HRH1: variants seen among roughly 807,000 people sequenced by gnomAD.
The protein encoded by HRH1 is histamine H1 receptor.
In HRH1, 6 loss-of-function variants were observed where a neutral mutation model predicts 10.3. That is an observed-to-expected ratio of 0.58 (90% CI 0.32 to 1.15). HRH1 has a LOEUF of 1.15. HRH1 is among the 50% of genes most tolerant of loss of function. The pLI is 0.05. For synonymous variants in HRH1, 242 were observed against 236.7 expected (o/e 1.02, Z -0.21); for missense variants, 514 against 615.3 (o/e 0.84, Z 1.74).
chr3:11,179,597 G>C (rs1394626873), intron 1 of HRH1, among the ~76,000 whole-genome samples: 1 of 150,330 alleles, frequency 6.7e-6, no homozygotes, highest in Non-Finnish European at 1.5e-5. Context: ...TCCAGCCTGG[G>C]TGACAGAGCA....
chr3:11,247,323 G>A (rs1237714088), intron 1 of HRH1, among the ~76,000 whole-genome samples: 5 of 152,198 alleles, frequency 3.3e-5, no homozygotes, highest in African/African-American at 7.2e-5. Flanking sequence ...CCTCAGCAAG[G>A]CAAATTTCCT....
intron 1 of HRH1, among the ~76,000 whole-genome samples, chr3:11,219,485 G>A (rs1320980704): frequency 5.9e-5 from 9 of 151,908 alleles, no homozygotes; most frequent in African/African-American, 7.3e-5. Context: ...AGGCCGAGGC[G>A]GGCGGAGCAC....
chr3:11,224,229 C>T lies in HRH1; in HGVS notation c.-35-34774C>T, dbSNP rs377062856. On this transcript the variant is annotated intron_variant, in intron 1 of 1. Coordinates refer to ENST00000431010, the MANE Select transcript of HRH1 (RefSeq NM_001098212.2). ...GCCTCTGCTCCCATGGATCTTCCAG[C>T]CAAACAGGGGAGAGAAAAGCTCTGC... Among the ~76,000 whole-genome samples, 23 of 152,258 alleles carry T rather than the reference C, an allele frequency of 1.5e-4. No individual in the cohort carries two copies. The South Asian group carries it at 4.6e-3, about 30-fold the overall frequency.
chr3:11,163,704 T>G (rs1357935669), intron 1 of HRH1, among the ~76,000 whole-genome samples: 1 of 152,210 alleles, frequency 6.6e-6, no homozygotes, highest in East Asian at 1.9e-4. Context: ...CATTAGCATA[T>G]AAGTACATGT....
chr3:11,170,174 G>A (rs1937125409), intron 1 of HRH1, among the ~76,000 whole-genome samples: 1 of 152,212 alleles, frequency 6.6e-6, no homozygotes, highest in Non-Finnish European at 1.5e-5. Flanking sequence ...TCAAGGGTTT[G>A]AAAGCTGGAG....
At chr3:11,248,488 G>A (rs765266365) in intron 1 of HRH1, among the ~76,000 whole-genome samples, 1 of 152,170 alleles carries the variant, frequency 6.6e-6, no homozygotes. Context: ...CTTGGTCGAT[G>A]AAATGCCAAG....
chr3:11,181,293 G>A (rs991187271), intron 1 of HRH1, among the ~76,000 whole-genome samples: 1 of 151,950 alleles, frequency 6.6e-6, no homozygotes, highest in East Asian at 1.9e-4. Context: ...CCAAAAAATA[G>A]TAATAATAAA....
At chr3:11,210,784 T>C (rs1938301803) in intron 1 of HRH1, among the ~76,000 whole-genome samples, 1 of 136,612 alleles carries the variant, frequency 7.3e-6, no homozygotes, top group South Asian at 2.5e-4. Flanking sequence ...CAGAGCAAGA[T>C]CCTGTCTCAA....
intron 1 of HRH1, among the ~76,000 whole-genome samples, chr3:11,228,638 C>T (rs886694814): frequency 6.6e-6 from 1 of 151,982 alleles, no homozygotes; most frequent in Admixed American, 6.6e-5. Flanking sequence ...TATAGTGGGC[C>T]GAGCACAGTG....
intron 1 of HRH1, among the ~76,000 whole-genome samples, chr3:11,148,832 T>C (rs2124998792): frequency 6.6e-6 from 1 of 150,494 alleles, no homozygotes; most frequent in African/African-American, 2.4e-5. Flanking sequence ...TTTTTTTTTT[T>C]TTTGCTACAC....
At chr3:11,244,392 A>G (rs909084058) in intron 1 of HRH1, among the ~76,000 whole-genome samples, 2 of 152,248 alleles carry the variant, frequency 1.3e-5, no homozygotes, top group African/African-American at 4.8e-5. Context: ...GCTGAGAAGC[A>G]GAGTTCTAGT....
intron 1 of HRH1, among the ~76,000 whole-genome samples, chr3:11,177,403 A>G (rs1427638598): frequency 6.6e-6 from 1 of 152,172 alleles, no homozygotes; most frequent in Non-Finnish European, 1.5e-5. Context: ...TCAACCAAGT[A>G]ACCTTTGAAA....
intron 1 of HRH1, among the ~76,000 whole-genome samples, chr3:11,183,679 C>G (rs575893315): frequency 2.6e-5 from 4 of 151,632 alleles, no homozygotes; most frequent in Non-Finnish European, 4.4e-5. Flanking sequence ...TCCAGGGCAT[C>G]TTTTTGTGCC....
At chr3:11,198,066 G>T (rs991436786) in intron 1 of HRH1, among the ~76,000 whole-genome samples, 2 of 152,116 alleles carry the variant, frequency 1.3e-5, no homozygotes, top group Admixed American at 6.5e-5. Context: ...TTACTCGCCA[G>T]TACCCTCAGT....
At chr3:11,254,374 T>C (rs1183776533) in intron 1 of HRH1, among the ~76,000 whole-genome samples, 1 of 152,210 alleles carries the variant, frequency 6.6e-6, no homozygotes, top group African/African-American at 2.4e-5. Context: ...CTTTAAGCCA[T>C]ATGAGGTGAC....
chr3:11,250,105 C>T lies in HRH1; in HGVS notation c.-35-8898C>T, dbSNP rs553850712. Among the ~76,000 whole-genome samples, 30 of 134,688 alleles carry T rather than the reference C, an allele frequency of 2.2e-4. No individual in the cohort carries two copies. The South Asian group carries it at 7.0e-3, about 31-fold the overall frequency. 88.4% of individuals were successfully genotyped at this position (134,688 alleles called of 152,430 possible). A position where few individuals can be genotyped will look rare whatever the true frequency, so the allele number is the denominator to read the frequency against. On this transcript the variant is annotated intron_variant, in intron 1 of 1. Transcript: ENST00000431010. The stretch of plus-strand genomic sequence containing the variant: ...CCGCCCAGGCTGGAGTGCAGTGGCG[C>T]GATCTCCGCTCACTGCAGGCTCCGA...
chr3:11,168,976 G>A (rs553031236), intron 1 of HRH1, among the ~76,000 whole-genome samples: 6 of 151,526 alleles, frequency 4.0e-5, no homozygotes, highest in African/African-American at 1.5e-4. Flanking sequence ...TGCAGAGCCT[G>A]GGGGAATGAA....
intron 1 of HRH1, among the ~76,000 whole-genome samples, chr3:11,160,010 G>C (rs13069937): frequency 0.2 from 30,604 of 152,186 alleles, 3,705 homozygotes; most frequent in African/African-American, 0.33. Flanking sequence ...AGATGAAGGG[G>C]ACTCAGCCTA....
chr3:11,254,351 A>T (rs191966882), intron 1 of HRH1, among the ~76,000 whole-genome samples: 24 of 152,344 alleles, frequency 1.6e-4, no homozygotes, highest in South Asian at 4.1e-4. Flanking sequence ...AAACCCCACA[A>T]CAGGCAAGCT....
Sources: gnomAD v4.1 joint callset for allele counts (sites outside exome capture counted in the v4.1 genomes callset) on GRCh38, gnomAD v4.1.1 for gene constraint, MANE v1.5 for transcripts, NCBI Gene and HGNC (gene_info 2026-07-23, HGNC 2026-07-21) for gene names.